The following UXS1 variants were observed in gnomAD, a reference collection of about 807,000 sequenced individuals.
UXS1 encodes UDP-glucuronate decarboxylase 1, also known as UDP-glucuronic acid decarboxylase 1.
Under a neutral mutation model 62.6 loss-of-function variants are expected in UXS1, and 33 were observed. That is an observed-to-expected ratio of 0.53 (90% CI 0.40 to 0.70). UXS1 has a LOEUF of 0.70. Among genes scored for constraint, UXS1 ranks in the 30% least tolerant of loss-of-function variants. The pLI, the probability that UXS1 is intolerant of heterozygous loss-of-function variation, is 0.00. For synonymous variants in UXS1, 213 were observed against 206.8 expected, an observed-to-expected ratio of 1.03 and a Z score of -0.26; for missense variants, 434 against 556.3, an observed-to-expected ratio of 0.78 and a Z score of 2.21.
intron 1 of UXS1, among the ~76,000 whole-genome samples, chr2:106,171,394 T>C (rs1331325276): frequency 6.6e-6 from 1 of 152,228 alleles, no homozygotes; most frequent in African/African-American, 2.4e-5. Flanking sequence ...CTGAAGTCTG[T>C]GGATCTCCAT....
intron 1 of UXS1, among the ~76,000 whole-genome samples, chr2:106,187,752 T>G (rs1239230586): frequency 1.3e-5 from 2 of 152,026 alleles, no homozygotes; most frequent in African/African-American, 4.8e-5. Context: ...CTTTTTTTTT[T>G]TTTTTTGAGA....
intron 1 of UXS1, among the ~76,000 whole-genome samples, chr2:106,167,603 T>G (rs1370005879): frequency 6.6e-6 from 1 of 151,964 alleles, no homozygotes; most frequent in Non-Finnish European, 1.5e-5. Context: ...AGGAGAAAAC[T>G]TGGTTTAAAA....
intron 13 of UXS1, 126 bp from the exon 14 acceptor site, chr2:106,096,947 G>C (rs1383897287): frequency 9.4e-6 from 9 of 956,856 alleles, no homozygotes; most frequent in Middle Eastern, 2.1e-4. Context: ...TGGAAATGCA[G>C]TTCTCTGAGA....
intron 5 of UXS1, among the ~76,000 whole-genome samples, chr2:106,156,801 A>T (rs528703087): frequency 6.6e-6 from 1 of 152,352 alleles, no homozygotes; most frequent in South Asian, 2.1e-4. Flanking sequence ...TTGTGCACCT[A>T]ACTACATTTT....
intron 13 of UXS1, among the ~76,000 whole-genome samples, chr2:106,098,079 T>G (rs1677275579): frequency 6.6e-6 from 1 of 152,192 alleles, no homozygotes; most frequent in African/African-American, 2.4e-5. Flanking sequence ...GCCAGTCTAG[T>G]CTGGTTGTGA....
At chr2:106,167,047 C>T (rs948852012) in intron 1 of UXS1, among the ~76,000 whole-genome samples, 10 of 152,206 alleles carry the variant, frequency 6.6e-5, no homozygotes, top group African/African-American at 2.4e-4. Context: ...CCACATCTCC[C>T]TTCTATACTC....
intron 6 of UXS1, among the ~76,000 whole-genome samples, chr2:106,143,595 C>T (rs540205374): frequency 6.6e-6 from 1 of 152,058 alleles, no homozygotes; most frequent in African/African-American, 2.4e-5. Flanking sequence ...CAGTATGGCT[C>T]AGCTGGTTCT....
chr2:106,118,033 C>T (rs564681896), intron 9 of UXS1, among the ~76,000 whole-genome samples: 1 of 152,264 alleles, frequency 6.6e-6, no homozygotes, highest in Admixed American at 6.5e-5. Context: ...GTTTGCTCTG[C>T]AGCAGGCCAG....
At chr2:106,096,673 C>T (rs981498798) in intron 14 of UXS1, 45 bp downstream of exon 14, 7 of 1,500,124 alleles carry the variant, frequency 4.7e-6, no homozygotes, top group African/African-American at 2.8e-5. Flanking sequence ...ACACAGGACA[C>T]GGGAGGCCCC....
chr2:106,168,683 T>C (rs1172361770), intron 1 of UXS1, among the ~76,000 whole-genome samples: 1 of 152,222 alleles, frequency 6.6e-6, no homozygotes, highest in African/African-American at 2.4e-5. Context: ...CATGGCCTTA[T>C]TTATAATCAC....
At chr2:106,099,747 C>T (rs903670189) in intron 12 of UXS1, among the ~76,000 whole-genome samples, 1 of 152,126 alleles carries the variant, frequency 6.6e-6, no homozygotes, top group Non-Finnish European at 1.5e-5. Context: ...AGGGGCGCCT[C>T]GGGCCTCTCC....
rs1353233265 is a variant in UXS1 at position 106,194,292 on chromosome 2, T to G, written c.-51A>C. The G allele has an allele frequency of 9.3e-7, 1 of 1,080,814 alleles. No individual in the cohort carries two copies. Among genetic ancestry groups the G allele is most frequent in the Non-Finnish European group, 1.2e-6 (1 of 868,808 alleles). 67.0% of individuals were successfully genotyped at this position (1,080,814 alleles called of 1,614,324 possible). A position where few individuals can be genotyped will look rare whatever the true frequency, so the allele number is the denominator to read the frequency against. On this transcript the variant is annotated 5_prime_UTR_variant, in exon 1 of 15. Transcript: ENST00000283148. Reference sequence around the variant, plus strand: ...CCCTACCGCGCGGGGGCCCGCCTGCTGCACAATGCGCGGCGGCGGCGGCGG... The same window carrying G: ...CCCTACCGCGCGGGGGCCCGCCTGCGGCACAATGCGCGGCGGCGGCGGCGG...
At chr2:106,185,434 A>G (rs1160481454) in intron 1 of UXS1, among the ~76,000 whole-genome samples, 2 of 152,192 alleles carry the variant, frequency 1.3e-5, no homozygotes, top group Non-Finnish European at 2.9e-5. Context: ...CCCACTCTCT[A>G]GACACCAAGC....
intron 5 of UXS1, among the ~76,000 whole-genome samples, chr2:106,155,933 C>T (rs79978293): frequency 4.6e-5 from 7 of 152,124 alleles, no homozygotes; most frequent in Non-Finnish European, 7.4e-5. Context: ...AATTTAAGAA[C>T]AAAATCTATA....
chr2:106,166,003 G>T, intron 2 of UXS1, 53 bp downstream of exon 2: 2 of 1,559,258 alleles, frequency 1.3e-6, no homozygotes, highest in South Asian at 2.3e-5. Flanking sequence ...TGTACCAACT[G>T]AAATGTGTCT....
At chr2:106,128,520 CA>C (rs1194114685) in intron 7 of UXS1, among the ~76,000 whole-genome samples, 2 of 152,164 alleles carry the variant, frequency 1.3e-5, no homozygotes, top group Admixed American at 1.3e-4. Flanking sequence ...CAGTCCCTTA[CA>C]GGCTTGACTA....
In UXS1 at chr2:106,137,763, G is replaced by A. The variant is rs555342745; in HGVS notation, c.472+7427C>T. 8.4e-4 allele frequency among the ~76,000 whole-genome samples: 127 copies of A among 152,016 alleles called. 1 individual carries two copies. The highest frequency in any genetic ancestry group is 2.8e-3 in the African/African-American group (116 of 41,460). On this transcript the variant is annotated intron_variant, in intron 6 of 14. Coordinates refer to ENST00000283148, the MANE Select transcript of UXS1 (RefSeq NM_001253875.2). Reference sequence around the variant, plus strand: ...TGAACCAAGATGGCACCATTGCACCGCAGCATGGACAACAAGAGCAAAACT... The same window carrying A: ...TGAACCAAGATGGCACCATTGCACCACAGCATGGACAACAAGAGCAAAACT...
chr2:106,190,916 G>A (rs2104301888), intron 1 of UXS1, among the ~76,000 whole-genome samples: 1 of 152,140 alleles, frequency 6.6e-6, no homozygotes, highest in East Asian at 1.9e-4. Context: ...TAGTAGGTTG[G>A]CCTGATTTTT....
chr2:106,162,230 CG>C (rs1183752385), intron 4 of UXS1, among the ~76,000 whole-genome samples: 1 of 152,132 alleles, frequency 6.6e-6, no homozygotes, highest in Non-Finnish European at 1.5e-5. Flanking sequence ...ATTTTCAAGG[CG>C]GTTTCACAGG....
Sources: allele counts gnomAD v4.1 joint callset (sites outside exome capture counted in the v4.1 genomes callset), GRCh38; gene constraint gnomAD v4.1.1; transcripts MANE v1.5; gene names NCBI Gene and HGNC (gene_info 2026-07-23, HGNC 2026-07-21).